Variants in HAGH observed in about 807,000 individuals in gnomAD.
HAGH encodes hydroxyacylglutathione hydrolase, mitochondrial.
In HAGH, 29 loss-of-function variants were observed where a neutral mutation model predicts 35.1. That is an observed-to-expected ratio of 0.83 (90% CI 0.62 to 1.13). HAGH has a LOEUF of 1.13. Ranked by LOEUF, HAGH falls within the 50% of genes most tolerant of loss-of-function variation. The pLI, the probability that HAGH is intolerant of heterozygous loss-of-function variation, is 0.00. For synonymous variants in HAGH, 225 were observed against 176.1 expected (o/e 1.28, Z -2.20); for missense variants, 478 against 419.6 (o/e 1.14, Z -1.22).
intron 7 of HAGH, 28 bp from the exon 8 acceptor site, chr16:1,809,861 C>G: frequency 6.4e-7 from 1 of 1,563,870 alleles, no homozygotes; most frequent in Non-Finnish European, 8.8e-7. Context: ...CACTTTATCA[C>G]GGGAACTTCA....
At chr16:1,827,014 T>G (rs1247568560), upstream of HAGH, 4 of 696,368 alleles carry the variant, frequency 5.7e-6, no homozygotes, top group Non-Finnish European at 8.9e-6. Flanking sequence ...GCCCGAGAGC[T>G]GCGCCGGGAG....
chr16:1,823,070 C>T (rs775189774), intron 1 of HAGH, 33 bp from the exon 2 acceptor site: 49 of 1,604,854 alleles, frequency 3.1e-5, no homozygotes, highest in African/African-American at 2.0e-4. Context: ...AGCGGGCAGC[C>T]GCGCCAGGCC....
Position 1,819,219 on chromosome 16 carries a change from C to T in HAGH, c.437G>A (p.Gly146Glu). 1.2e-6 allele frequency: 2 copies of T among 1,605,136 alleles called. No homozygotes were observed. The highest frequency in any genetic ancestry group is 1.7e-6 in the Non-Finnish European group (2 of 1,173,284). ...CGCCAGGCACTTGACGTTCAGAGACCCCACCTTCAACAAAGCAGGCGACCG... is the reference window on the plus strand; with the variant it reads ...CGCCAGGCACTTGACGTTCAGAGACTCCACCTTCAACAAAGCAGGCGACCG... ...KITHLSTLQV[G>E]SLNVKCLATP... The change falls in exon 5 of 9, where the codon GGG (glycine) becomes GAG (glutamate). Residue 146 changes from glycine to glutamate, a missense_variant. Coordinates refer to ENST00000397356, the MANE Select transcript of HAGH (RefSeq NM_005326.6).
intron 1 of HAGH, among the ~76,000 whole-genome samples, chr16:1,826,170 TGCCCTGCGCTGCGCACCC>T (rs1353372686): frequency 6.6e-6 from 1 of 152,024 alleles, no homozygotes; most frequent in East Asian, 1.9e-4. Flanking sequence ...GCCCGCCCAG[TGCCCTGCGCTGCGCACCC>T]GCCCGGGGCG....
chr16:1,814,928 T>TAC (rs758950346), intron 7 of HAGH, among the ~76,000 whole-genome samples: 264 of 28,122 alleles, frequency 9.4e-3, no homozygotes, highest in South Asian at 0.027. Context: ...TATATATGTA[T>TAC]ATACACACAC....
chr16:1,810,326 GGAC>G (rs1897589192), intron 7 of HAGH: 1 of 157,762 alleles, frequency 6.3e-6, no homozygotes, highest in South Asian at 1.8e-4. Flanking sequence ...GGCCTGGAGA[GGAC>G]GACAGGGACG....
chr16:1,809,698 G>C, intron 8 of HAGH, 56 bp downstream of exon 8: 2 of 1,216,874 alleles, frequency 1.6e-6, no homozygotes, highest in South Asian at 2.4e-5. Flanking sequence ...TGTGTGTGCA[G>C]CAGTGGGACT....
Position 1,816,930 on chromosome 16 carries a change from C to A in HAGH, c.710G>T (p.Gly237Val), listed in dbSNP as rs1897919637. 6.2e-7 allele frequency: 1 copy of A among 1,613,692 alleles called. No individual in the cohort carries two copies. Among genetic ancestry groups the A allele is most frequent in the Admixed American group, 1.7e-5 (1 of 60,010 alleles). ...NLKFARHVEPGNAAIREKLAW... is the reference protein window; with the variant it reads ...NLKFARHVEPVNAAIREKLAW... ...CAGCTTCTCCCGGATGGCGGCATTG[C>A]CGGGCTCCACGTGGCGTGCAAACTT... The change falls in exon 7 of 9, where the codon GGC becomes GTC. Residue 237 changes from glycine to valine, a missense_variant. Physicochemically the swap from Gly to Val is moderately radical, Grantham distance 109. Transcript: ENST00000397356.
In HAGH at chr16:1,822,301, A is replaced by C. The variant is rs1418513797; in HGVS notation, c.313T>G (p.Trp105Gly). 2 of 1,605,346 alleles carry C rather than the reference A, an allele frequency of 1.2e-6. No individual in the cohort carries two copies. The highest frequency in any genetic ancestry group is 3.3e-5 in the Admixed American group (2 of 60,004). ...CCCCAGGTGAGACGCGGCACTTACC[A>C]GTGGTGGTGGGTGGTGAGCACTGTG... Reference protein sequence around the residue: ...LTTVLTTHHHWDHAGGNEKLV... With the variant: ...LTTVLTTHHHGDHAGGNEKLV... Residue 105 changes from tryptophan (W) to glycine (G), a missense_variant and splice_region_variant, in exon 3 of 9, where the codon TGG becomes GGG. Physicochemically the swap from Trp to Gly is radical, Grantham distance 184. Coordinates refer to ENST00000397356, the MANE Select transcript of HAGH (RefSeq NM_005326.6).
intron 3 of HAGH, 138 bp from the exon 4 acceptor site, chr16:1,820,152 A>G: frequency 1.4e-6 from 1 of 692,480 alleles, no homozygotes; most frequent in South Asian, 1.7e-5. Flanking sequence ...TTTTCCACTC[A>G]CAAAGGAAAC....
rs527926795 is a variant in HAGH, at chr16:1,814,845, A to C, written c.747+2048T>G. 4.0e-5 allele frequency among the ~76,000 whole-genome samples: 6 copies of C among 151,474 alleles called. No homozygotes were observed. The South Asian group carries it at 1.3e-3, about 32-fold the overall frequency. ...CCCGGGAGGCAGAGCTTGCAGTGAG[A>C]TGAGATCACACCACTGCACTCCAGC... On this transcript the variant is annotated intron_variant, in intron 7 of 8. Transcript: ENST00000397356.
chr16:1,823,036 A>G lies in HAGH; in HGVS notation c.78T>C (p.Gly26=). The change falls in exon 2 of 9, where the codon GGT becomes GGC. Residue 26 remains glycine (G), a splice_region_variant and synonymous_variant. Transcript: ENST00000397356. ...GGCAGAAAACTCCCAGCAGGGCTGG[A>G]CCTGCAGACACAGAGCACAACTCAG... ...LGAACARRGL[G]PALLGVFCHT... 1 of 1,613,332 alleles carries G rather than the reference A, an allele frequency of 6.2e-7. No individual in the cohort carries two copies. The highest frequency in any genetic ancestry group is 1.1e-5 in the South Asian group (1 of 91,056).
chr16:1,817,189 C>T lies in HAGH; in HGVS notation c.624G>A (p.Leu208=), dbSNP rs61729103. 6,029 of 1,611,462 alleles carry T rather than the reference C, an allele frequency of 3.7e-3. 30 individuals carry two copies. The highest frequency in any genetic ancestry group is 9.9e-3 in the South Asian group (904 of 91,044). Residue 208 remains leucine, a synonymous_variant, in exon 6 of 9, where the codon TTG becomes TTA. Coordinates refer to ENST00000397356, the MANE Select transcript of HAGH (RefSeq NM_005326.6). The stretch of plus-strand genomic sequence containing the variant: ...CTACTGTGTCCGGGGGGAGCCGGCC[C>T]AAGACCTCCAGCAGAGCTTTACACA... ...DEMCKALLEV[L]GRLPPDTRVY... is the part of the protein sequence containing the mutation.
intron 7 of HAGH, among the ~76,000 whole-genome samples, chr16:1,816,183 G>A (rs112501865): frequency 0.019 from 2,536 of 136,950 alleles, 68 homozygotes; most frequent in South Asian, 0.078. Flanking sequence ...CAGCCTGGGC[G>A]ACAGAGGGAG....
At chr16:1,812,178 A>G (rs1303418873) in intron 7 of HAGH, among the ~76,000 whole-genome samples, 1 of 122,762 alleles carries the variant, frequency 8.1e-6, no homozygotes, top group African/African-American at 3.3e-5. Context: ...CAGCAGAGCA[A>G]GACGCTGTCT....
intron 7 of HAGH, among the ~76,000 whole-genome samples, chr16:1,815,292 C>G (rs908620806): frequency 3.9e-5 from 6 of 152,168 alleles, no homozygotes; most frequent in Non-Finnish European, 7.3e-5. Flanking sequence ...ACGGTTCACA[C>G]CTTTAACCAC....
intron 5 of HAGH, 87 bp downstream of exon 5, chr16:1,819,028 C>T (rs759845617): frequency 1.9e-5 from 16 of 820,726 alleles, no homozygotes; most frequent in Non-Finnish European, 3.1e-5. Flanking sequence ...ACAGAGAAGG[C>T]CACGAAGCTG....
At chr16:1,826,665 C>T in intron 1 of HAGH, 47 bp downstream of exon 1, 1 of 966,860 alleles carries the variant, frequency 1.0e-6, no homozygotes, top group Non-Finnish European at 1.2e-6. Flanking sequence ...CGCTGCCCGC[C>T]CCGCCAGGCC....
chr16:1,817,679 G>A (rs1284906990), intron 5 of HAGH, among the ~76,000 whole-genome samples: 1 of 152,234 alleles, frequency 6.6e-6, no homozygotes, highest in Non-Finnish European at 1.5e-5. Flanking sequence ...CCCTGGCTGA[G>A]CTGAGCGGGA....
Sources: gnomAD v4.1 joint callset for allele counts (sites outside exome capture counted in the v4.1 genomes callset) on GRCh38, gnomAD v4.1.1 for gene constraint, MANE v1.5 for transcripts, NCBI Gene and HGNC (gene_info 2026-07-23, HGNC 2026-07-21) for gene names.